NCAM2: variants seen among roughly 807,000 people sequenced by gnomAD.
The protein encoded by NCAM2 is neural cell adhesion molecule 2.
Under a neutral mutation model 98.1 loss-of-function variants are expected in NCAM2, and 30 were observed. The observed-to-expected ratio is 0.31, with a 90% confidence interval of 0.23 to 0.41. NCAM2 has a LOEUF of 0.41. Ranked by LOEUF, NCAM2 falls within the 10% of genes least tolerant of loss-of-function variation. The probability of loss-of-function intolerance (pLI) is 1.00; values close to 1 mark genes in which losing one functional copy is unlikely to be tolerated. For synonymous variants in NCAM2, 368 were observed against 342.4 expected, an observed-to-expected ratio of 1.07 and a Z score of -0.83; for missense variants, 867 against 1,005.8, an observed-to-expected ratio of 0.86 and a Z score of 1.87.
chr21:21,456,135 T>G (rs1320405471), intron 12 of NCAM2, among the ~76,000 whole-genome samples: 1 of 152,132 alleles, frequency 6.6e-6, no homozygotes, highest in Non-Finnish European at 1.5e-5. Flanking sequence ...ACAAATGATA[T>G]AGCAAGAACA....
intron 1 of NCAM2, among the ~76,000 whole-genome samples, chr21:21,180,742 A>G (rs1312596725): frequency 6.6e-6 from 1 of 152,142 alleles, no homozygotes; most frequent in Non-Finnish European, 1.5e-5. Flanking sequence ...GGTTTATGAT[A>G]AAGCACTCTA....
At position 21,497,253 on chromosome 21, in the gene NCAM2, G is replaced by T. The variant is rs1012397930; in HGVS notation, c.2078-11598G>T. Among the ~76,000 whole-genome samples the T allele has an allele frequency of 3.9e-5, 6 of 152,046 alleles. 1 individual carries two copies. The highest frequency in any genetic ancestry group is 4.1e-4 in the South Asian group (2 of 4,826). ...AAAAACTACCAATCAATCAAGCTGT[G>T]TGCTCGCTATCAGGGTGATATGACT... On this transcript the variant is annotated intron_variant, in intron 15 of 17. Transcript: ENST00000400546.
In NCAM2 at chr21:21,508,838, T is replaced by TTG; in HGVS notation, c.2078-12_2078-11insGT. 2.7e-6 allele frequency: 3 copies of TTG among 1,112,122 alleles called. No homozygotes were observed. Among genetic ancestry groups the TTG allele is most frequent in the Non-Finnish European group, 2.3e-6 (2 of 861,292 alleles). The allele number at this position is 1,112,122 out of a possible 1,614,324, so 68.9% of individuals were successfully genotyped here. ...TTTTTTTTTTTTTTTTTTTTTTTTT[T>TTG]TTACTTTTTAAGACACGCTGTTTAA... On this transcript the variant is annotated splice_polypyrimidine_tract_variant and intron_variant, in intron 15 of 17. Coordinates refer to ENST00000400546, the MANE Select transcript of NCAM2 (RefSeq NM_004540.5).
intron 10 of NCAM2, among the ~76,000 whole-genome samples, chr21:21,417,806 T>C (rs190839252): frequency 6.6e-6 from 1 of 152,036 alleles, no homozygotes; most frequent in Non-Finnish European, 1.5e-5. Flanking sequence ...GATACTGTTA[T>C]TAGATAGCGA....
At chr21:21,351,938 C>G (rs764200958) in intron 8 of NCAM2, among the ~76,000 whole-genome samples, 5 of 151,952 alleles carry the variant, frequency 3.3e-5, no homozygotes, top group Admixed American at 6.6e-5. Flanking sequence ...TTACTAGAGA[C>G]AGGGTTTCAC....
chr21:21,352,653 G>C (rs999971030), intron 8 of NCAM2, among the ~76,000 whole-genome samples: 1 of 151,108 alleles, frequency 6.6e-6, no homozygotes, highest in Non-Finnish European at 1.5e-5. Flanking sequence ...CCTGAAAAAG[G>C]GTTCTGAAGA....
intron 1 of NCAM2, among the ~76,000 whole-genome samples, chr21:21,256,268 C>T (rs1003544935): frequency 3.9e-5 from 6 of 151,950 alleles, no homozygotes; most frequent in Non-Finnish European, 8.8e-5. Context: ...AGGCAGGAGA[C>T]TCACTTGAAC....
chr21:21,488,108 C>T (rs1986543455), intron 15 of NCAM2, among the ~76,000 whole-genome samples: 1 of 151,954 alleles, frequency 6.6e-6, no homozygotes, highest in Non-Finnish European at 1.5e-5. Context: ...AATATATATG[C>T]AATTTTCACT....
chr21:21,233,656 A>T (rs2147197282), intron 1 of NCAM2, among the ~76,000 whole-genome samples: 1 of 151,862 alleles, frequency 6.6e-6, no homozygotes, highest in African/African-American at 2.4e-5. Flanking sequence ...TATTGTGAGT[A>T]CAAACGATGT....
At chr21:21,313,185 A>T (rs930168142) in intron 5 of NCAM2, among the ~76,000 whole-genome samples, 1 of 151,502 alleles carries the variant, frequency 6.6e-6, no homozygotes, top group African/African-American at 2.4e-5. Flanking sequence ...ATTTAAAAAA[A>T]TTTTCTCTAT....
intron 8 of NCAM2, among the ~76,000 whole-genome samples, chr21:21,346,085 A>G (rs532762117): frequency 1.6e-3 from 239 of 152,086 alleles, no homozygotes; most frequent in Non-Finnish European, 2.0e-3. Context: ...TCTCCAATCA[A>G]AAGACATAGA....
intron 5 of NCAM2, among the ~76,000 whole-genome samples, chr21:21,315,186 G>C (rs1210955057): frequency 6.6e-6 from 1 of 152,052 alleles, no homozygotes; most frequent in African/African-American, 2.4e-5. Flanking sequence ...TGTCAGATCT[G>C]TCCTGCATGT....
intron 8 of NCAM2, among the ~76,000 whole-genome samples, chr21:21,350,416 T>C (rs574223326): frequency 6.6e-6 from 1 of 152,226 alleles, no homozygotes; most frequent in South Asian, 2.1e-4. Context: ...TATACTACAA[T>C]CCAGGACAGC....
intron 6 of NCAM2, among the ~76,000 whole-genome samples, chr21:21,331,511 C>CA (rs2074684625): frequency 1.5e-4 from 1 of 6,564 alleles, no homozygotes; most frequent in African/African-American, 4.5e-4. Context: ...TCTATACTCT[C>CA]TCTCTCTATA....
Position 21,292,187 on chromosome 21 carries a change from A to C in NCAM2, c.565A>C (p.Arg189=), listed in dbSNP as rs776545833. Residue 189 remains arginine, a synonymous_variant, in exon 5 of 18, where the codon AGA becomes CGA. Transcript: ENST00000400546. ...SDEGIYRCEG[R]VEARGEIDFR... is the part of the protein sequence containing the mutation. ...TGAAGGTATATACAGATGTGAAGGAAGAGTGGAGGCCAGGGGAGAAATTGA... is the reference window on the plus strand; with the variant it reads ...TGAAGGTATATACAGATGTGAAGGACGAGTGGAGGCCAGGGGAGAAATTGA... 5.0e-6 allele frequency: 8 copies of C among 1,610,930 alleles called. No homozygotes were observed. The African/African-American group carries it at 9.4e-5, about 19-fold the overall frequency.
intron 6 of NCAM2, among the ~76,000 whole-genome samples, chr21:21,326,824 G>A (rs232476): frequency 0.68 from 103,949 of 151,776 alleles, 36,338 homozygotes; most frequent in Non-Finnish European, 0.78. Flanking sequence ...TGGTTGTAAC[G>A]TTAACGAAGG....
chr21:21,080,675 A>C (rs866861688), intron 1 of NCAM2, among the ~76,000 whole-genome samples: 40 of 137,446 alleles, frequency 2.9e-4, no homozygotes, highest in African/African-American at 9.1e-4. Context: ...AAAAAAAAAA[A>C]AAAAACCAAC....
chr21:21,035,958 A>G (rs1342749055), intron 1 of NCAM2, among the ~76,000 whole-genome samples: 1 of 152,210 alleles, frequency 6.6e-6, no homozygotes, highest in African/African-American at 2.4e-5. Flanking sequence ...ACCTATCCAT[A>G]CAAATATAAC....
chr21:21,494,675 T>A (rs1046376829), intron 15 of NCAM2, among the ~76,000 whole-genome samples: 1 of 151,946 alleles, frequency 6.6e-6, no homozygotes, highest in African/African-American at 2.4e-5. Flanking sequence ...AGATATTTTA[T>A]ATGTGCCAAA....
Sources: gnomAD v4.1 joint callset for allele counts (sites outside exome capture counted in the v4.1 genomes callset) on GRCh38, gnomAD v4.1.1 for gene constraint, MANE v1.5 for transcripts, NCBI Gene and HGNC (gene_info 2026-07-23, HGNC 2026-07-21) for gene names.